Variants in PRKCZ observed in about 807,000 individuals in gnomAD.
The protein encoded by PRKCZ is protein kinase C zeta type.
A neutral mutation model predicts 79.5 loss-of-function variants in PRKCZ; 33 were observed. That is an observed-to-expected ratio of 0.41 (90% CI 0.31 to 0.55). The LOEUF (loss-of-function observed/expected upper bound fraction) is 0.55, where lower values mean the gene tolerates loss of function less well. Ranked by LOEUF, PRKCZ falls within the 20% of genes least tolerant of loss-of-function variation. The probability of loss-of-function intolerance (pLI) is 0.19; values close to 1 mark genes in which losing one functional copy is unlikely to be tolerated. For synonymous variants in PRKCZ, 342 were observed against 320.9 expected (o/e 1.07, Z -0.70); for missense variants, 578 against 813.5 (o/e 0.71, Z 3.52).
intron 4 of PRKCZ, among the ~76,000 whole-genome samples, chr1:2,069,225 A>G (rs1330868917): frequency 6.6e-6 from 1 of 152,134 alleles, no homozygotes; most frequent in East Asian, 1.9e-4. Flanking sequence ...GAGATCCTCT[A>G]GCCTTTGGCC....
chr1:2,176,984 G>A (rs1393534736), intron 16 of PRKCZ, among the ~76,000 whole-genome samples: 1 of 152,176 alleles, frequency 6.6e-6, no homozygotes, highest in African/African-American at 2.4e-5. Context: ...AATCACCTTC[G>A]CAAATTCTTC....
intron 3 of PRKCZ, 60 bp from the exon 4 acceptor site, chr1:2,059,481 T>G: frequency 1.5e-4 from 233 of 1,592,220 alleles, no homozygotes; most frequent in Non-Finnish European, 1.9e-4. Flanking sequence ...ACTTCCTCCG[T>G]GAGACTGTTG....
chr1:2,103,322 G>A (rs923085435), intron 4 of PRKCZ, among the ~76,000 whole-genome samples: 2 of 152,200 alleles, frequency 1.3e-5, no homozygotes, highest in East Asian at 1.9e-4. Context: ...CCGGGAGAGC[G>A]GCCGACACAG....
chr1:2,074,090 C>A, intron 4 of PRKCZ: 1 of 1,496,080 alleles, frequency 6.7e-7, no homozygotes, highest in Non-Finnish European at 8.9e-7. Flanking sequence ...CTCCGGGCAG[C>A]AACACGGCTG....
chr1:2,068,428 T>C (rs1661301719), intron 4 of PRKCZ, among the ~76,000 whole-genome samples: 1 of 152,216 alleles, frequency 6.6e-6, no homozygotes, highest in African/African-American at 2.4e-5. Context: ...TCTTGATTTG[T>C]AGACATCACT....
intron 4 of PRKCZ, among the ~76,000 whole-genome samples, chr1:2,083,449 C>G (rs1161861632): frequency 6.6e-6 from 1 of 152,208 alleles, no homozygotes; most frequent in Non-Finnish European, 1.5e-5. Flanking sequence ...TCCTCATTAA[C>G]TCTAATTAAT....
chr1:2,066,986 A>C (rs1661173287), intron 4 of PRKCZ, among the ~76,000 whole-genome samples: 1 of 152,060 alleles, frequency 6.6e-6, no homozygotes, highest in Non-Finnish European at 1.5e-5. Flanking sequence ...GTTTTCATTC[A>C]TCTCTCAGCA....
intron 4 of PRKCZ, among the ~76,000 whole-genome samples, chr1:2,089,247 A>G (rs971642584): frequency 6.6e-6 from 1 of 152,194 alleles, no homozygotes; most frequent in African/African-American, 2.4e-5. Flanking sequence ...GGAAGGACCC[A>G]GAGGTCTCTG....
At chr1:2,159,011 C>T (rs961401152) in intron 10 of PRKCZ, among the ~76,000 whole-genome samples, 1 of 152,056 alleles carries the variant, frequency 6.6e-6, no homozygotes, top group Admixed American at 6.6e-5. Flanking sequence ...CTGCAACTTC[C>T]ACCTCCCTGG....
At chr1:2,062,422 G>A (rs946234776) in intron 4 of PRKCZ, among the ~76,000 whole-genome samples, 1 of 151,434 alleles carries the variant, frequency 6.6e-6, no homozygotes, top group Admixed American at 6.6e-5. Flanking sequence ...CATTCTTGGC[G>A]CTGCAGATCT....
In PRKCZ at chr1:2,168,978, C is replaced by T. The variant is rs1262824082; in HGVS notation, c.975-540C>T. ...CATCTGCGGATCTTTTAAAATCATA[C>T]GATCATGTCTGCGAAACCGGGATGC... is the stretch of plus-strand genomic sequence containing the variant. On this transcript the variant is annotated intron_variant, in intron 10 of 17. Transcript: ENST00000378567. The surrounding 1 kb of genome is among the most constrained non-coding windows in gnomAD (Gnocchi z 4.7). 3 of 360,680 alleles carry T rather than the reference C, an allele frequency of 8.3e-6. No individual in the cohort carries two copies. The highest frequency in any genetic ancestry group is 1.7e-5 in the Non-Finnish European group (3 of 177,096). 22.3% of individuals were successfully genotyped at this position (360,680 alleles called of 1,614,324 possible). A position where few individuals can be genotyped will look rare whatever the true frequency, so the allele number is the denominator to read the frequency against.
In PRKCZ at chr1:2,056,247, G is replaced by A. The variant is rs145411814; in HGVS notation, c.194-237G>A. Among the ~76,000 whole-genome samples the A allele has an allele frequency of 4.5e-3, 686 of 152,330 alleles. 7 individuals carry two copies. Among genetic ancestry groups the A allele is most frequent in the African/African-American group, 0.016 (645 of 41,566 alleles). On this transcript the variant is annotated intron_variant, in intron 2 of 17. Transcript: ENST00000378567. ...GCTTAGCCCTCCAAGTGGTGCCCAG[G>A]GCTGCAGGTGTACTGACTTCCCTTC...
At chr1:2,056,682 G>T (rs1159625781) in intron 3 of PRKCZ, 109 bp downstream of exon 3, 3 of 932,972 alleles carry the variant, frequency 3.2e-6, no homozygotes, top group Non-Finnish European at 4.7e-6. Flanking sequence ...TGATGCCAGA[G>T]AATTTAGGGA....
chr1:2,102,903 A>G (rs1049393976), intron 4 of PRKCZ, among the ~76,000 whole-genome samples: 13 of 151,776 alleles, frequency 8.6e-5, no homozygotes, highest in Admixed American at 1.3e-4. Flanking sequence ...CTCAAGAGAC[A>G]GGGTCTTGCT....
At chr1:2,182,100 C>T (rs557586880) in intron 16 of PRKCZ, 6 of 296,356 alleles carry the variant, frequency 2.0e-5, no homozygotes, top group Middle Eastern at 4.1e-4. Context: ...GTAGATGCCA[C>T]GTTAGTAGAT....
chr1:2,079,122 G>A (rs1027437557), intron 4 of PRKCZ, among the ~76,000 whole-genome samples: 4 of 152,232 alleles, frequency 2.6e-5, no homozygotes, highest in South Asian at 2.1e-4. Context: ...GATTACAGGC[G>A]TGAGCCACTG....
At chr1:2,090,116 C>G (rs934767672) in intron 4 of PRKCZ, among the ~76,000 whole-genome samples, 2 of 152,182 alleles carry the variant, frequency 1.3e-5, no homozygotes, top group African/African-American at 4.8e-5. Flanking sequence ...GGATCTAAGT[C>G]TGCTGTAATG....
At chr1:2,129,839 C>CTT (rs1455765514) in intron 4 of PRKCZ, among the ~76,000 whole-genome samples, 1 of 152,198 alleles carries the variant, frequency 6.6e-6, no homozygotes, top group African/African-American at 2.4e-5. Flanking sequence ...TCTCCACAGC[C>CTT]TTTGCAGTTT....
chr1:2,131,370 C>T (rs929904980), intron 4 of PRKCZ, among the ~76,000 whole-genome samples: 19 of 152,102 alleles, frequency 1.2e-4, no homozygotes, highest in African/African-American at 7.2e-5. Context: ...TTTGGGAGGC[C>T]GAAGTGGGCA....
Sources: allele counts gnomAD v4.1 joint callset (sites outside exome capture counted in the v4.1 genomes callset), GRCh38; gene constraint gnomAD v4.1.1; non-coding constraint Gnocchi (gnomAD v3.1); transcripts MANE v1.5; gene names NCBI Gene and HGNC (gene_info 2026-07-23, HGNC 2026-07-21).